Variants in LAMA3 observed in about 807,000 individuals in gnomAD.
LAMA3 encodes the protein laminin subunit alpha 3.
LAMA3 carries 281 observed loss-of-function variants against 402.0 expected under a neutral mutation model. That is an observed-to-expected ratio of 0.70 (90% confidence interval 0.63 to 0.77). The LOEUF (loss-of-function observed/expected upper bound fraction) is 0.77. Among genes scored for constraint, LAMA3 ranks in the 30% least tolerant of loss-of-function variants. The probability of loss-of-function intolerance (pLI) is 0.00; values close to 1 mark genes in which losing one functional copy is unlikely to be tolerated. For missense variants in LAMA3, 3,840 were observed against 4,215.5 expected, an observed-to-expected ratio of 0.91 and a Z score of 2.47; for synonymous variants, 1,431 against 1,558.4, an observed-to-expected ratio of 0.92 and a Z score of 1.93.
At chr18:23,863,061 G>A (rs1263885373) in intron 35 of LAMA3, among the ~76,000 whole-genome samples, 2 of 152,154 alleles carry the variant, frequency 1.3e-5, no homozygotes, top group Non-Finnish European at 2.9e-5. Flanking sequence ...GACAGAAGCT[G>A]CAGTGTTTTT....
chr18:23,949,866 G>C lies in LAMA3; in HGVS notation c.9453G>C (p.Leu3151Phe), dbSNP rs770142647. 6.2e-7 allele frequency: 1 copy of C among 1,613,952 alleles called. No individual in the cohort carries two copies. Among genetic ancestry groups the C allele is most frequent in the Non-Finnish European group, 8.5e-7 (1 of 1,180,010 alleles). Residue 3151 changes from leucine to phenylalanine, a missense_variant, in exon 71 of 75, where the codon TTG (leucine) becomes TTC (phenylalanine). Physicochemically the swap from Leu to Phe is conservative, Grantham distance 22. Around this residue, in one of 3 missense-constraint regions of LAMA3, gnomAD observed 840 missense variants for 981.9 expected, o/e 0.86. Coordinates refer to ENST00000313654, the MANE Select transcript of LAMA3 (RefSeq NM_198129.4). Reference sequence around the variant, plus strand: ...CAAGCTTCGGGGTGTCTTCCTGCTTGGGTGGTCCTTTGGAGAAAGGCATTT... The same window carrying C: ...CAAGCTTCGGGGTGTCTTCCTGCTTCGGTGGTCCTTTGGAGAAAGGCATTT... ...PSSSFGVSSC[L>F]GGPLEKGIYF...
intron 2 of LAMA3, among the ~76,000 whole-genome samples, chr18:23,714,544 G>A (rs1049200159): frequency 2.0e-5 from 3 of 152,036 alleles, no homozygotes; most frequent in African/African-American, 4.8e-5. Flanking sequence ...AACAAAGCCC[G>A]GAACAGTGCC....
At chr18:23,735,408 G>A (rs1267171254) in intron 2 of LAMA3, among the ~76,000 whole-genome samples, 2 of 152,226 alleles carry the variant, frequency 1.3e-5, no homozygotes, top group African/African-American at 4.8e-5. Context: ...AGAGCTATGC[G>A]TGTAGGCTTC....
intron 38 of LAMA3, chr18:23,873,074 C>A: frequency 6.2e-7 from 1 of 1,614,182 alleles, no homozygotes; most frequent in Non-Finnish European, 8.5e-7. Flanking sequence ...GGTCAGCCTG[C>A]AGCATGGGAT....
At chr18:23,860,057 A>G (rs1425121933) in intron 34 of LAMA3, among the ~76,000 whole-genome samples, 1 of 152,172 alleles carries the variant, frequency 6.6e-6, no homozygotes, top group Non-Finnish European at 1.5e-5. Context: ...AGATGCTCCT[A>G]TCACCCCTAT....
chr18:23,784,268 G>T, intron 12 of LAMA3, 111 bp downstream of exon 12: 1 of 1,306,720 alleles, frequency 7.7e-7, no homozygotes. Flanking sequence ...TTAATAAATG[G>T]GCCCCTGGCT....
intron 24 of LAMA3, chr18:23,834,320 G>T (rs926288341): frequency 1.4e-5 from 5 of 354,874 alleles, no homozygotes; most frequent in Non-Finnish European, 2.2e-5. Flanking sequence ...CACCTCAAAG[G>T]CTGTGTCAAG....
intron 25 of LAMA3, among the ~76,000 whole-genome samples, chr18:23,838,368 C>T (rs910664527): frequency 3.9e-5 from 6 of 152,148 alleles, no homozygotes. Context: ...CTAGCAGTGG[C>T]AGCCCTCACT....
At chr18:23,698,697 C>T (rs762393330) in intron 1 of LAMA3, among the ~76,000 whole-genome samples, 14 of 152,338 alleles carry the variant, frequency 9.2e-5, no homozygotes, top group Non-Finnish European at 1.5e-4. Flanking sequence ...TGCCTGGAGA[C>T]AAGCGTGCCC....
At chr18:23,945,283 C>T (rs958808279) in intron 69 of LAMA3, among the ~76,000 whole-genome samples, 2 of 152,144 alleles carry the variant, frequency 1.3e-5, no homozygotes, top group East Asian at 1.9e-4. Flanking sequence ...GTGGGGAGGT[C>T]GGGAGAAGTG....
intron 39 of LAMA3, among the ~76,000 whole-genome samples, chr18:23,880,610 G>T (rs1283509373): frequency 6.6e-6 from 1 of 152,214 alleles, no homozygotes; most frequent in African/African-American, 2.4e-5. Context: ...TGGGCGCGAT[G>T]GCTCATGCCT....
At chr18:23,712,808 C>T (rs1270014143) in intron 1 of LAMA3, among the ~76,000 whole-genome samples, 2 of 151,398 alleles carry the variant, frequency 1.3e-5, no homozygotes, top group Admixed American at 6.6e-5. Flanking sequence ...CTCTTTGTCA[C>T]AGCACATTCC....
intron 6 of LAMA3, among the ~76,000 whole-genome samples, chr18:23,754,338 C>A (rs2061804777): frequency 6.6e-6 from 1 of 152,210 alleles, no homozygotes. Context: ...TTGTTTCCTC[C>A]TACCACTGGC....
rs369287434 is a variant in LAMA3 at position 23,818,348 on chromosome 18, C to G, written c.2148-1493C>G. ...ACCCAGCCTGAGGCAAGAATATTAA[C>G]TTTTTACATGATACATGCACACATA... On this transcript the variant is annotated intron_variant, in intron 18 of 74. Coordinates refer to ENST00000313654, the MANE Select transcript of LAMA3 (RefSeq NM_198129.4). Among the ~76,000 whole-genome samples, 55 of 152,304 alleles carry G rather than the reference C, an allele frequency of 3.6e-4. 2 individuals are homozygous for G. The South Asian group carries it at 9.7e-3, about 27-fold the overall frequency.
intron 32 of LAMA3, among the ~76,000 whole-genome samples, chr18:23,856,534 C>T (rs1210562100): frequency 6.6e-6 from 1 of 152,180 alleles, no homozygotes; most frequent in Non-Finnish European, 1.5e-5. Flanking sequence ...TCTCCAACCT[C>T]GAGTTCTGGG....
intron 32 of LAMA3, among the ~76,000 whole-genome samples, chr18:23,849,429 G>A (rs1460363329): frequency 6.6e-6 from 1 of 152,218 alleles, no homozygotes; most frequent in Non-Finnish European, 1.5e-5. Context: ...CCAAGGGGGA[G>A]ATGGAGAATC....
At chr18:23,753,323 G>A (rs2061785665) in intron 5 of LAMA3, among the ~76,000 whole-genome samples, 1 of 151,582 alleles carries the variant, frequency 6.6e-6, no homozygotes, top group Non-Finnish European at 1.5e-5. Flanking sequence ...AACATTTTTT[G>A]GTATAAAAAT....
At chr18:23,690,213 C>T (rs1362817405) in intron 1 of LAMA3, among the ~76,000 whole-genome samples, 1 of 152,218 alleles carries the variant, frequency 6.6e-6, no homozygotes, top group Admixed American at 6.5e-5. Flanking sequence ...TGACATGAGG[C>T]TGTGGTCAGG....
chr18:23,741,134 T>A lies in LAMA3; in HGVS notation c.448-6809T>A, dbSNP rs185297020. ...ACGCCTGGCTAATTTTTTTTTGTAT[T>A]TTTTTTAGTAGAGACGGGGTTTCAC... On this transcript the variant is annotated intron_variant, in intron 2 of 74. Transcript: ENST00000313654. 1.3e-3 allele frequency among the ~76,000 whole-genome samples: 202 copies of A among 151,836 alleles called. 1 individual carries two copies. Among genetic ancestry groups the A allele is most frequent in the African/African-American group, 4.8e-3 (197 of 41,404 alleles).
Sources: allele counts gnomAD v4.1 joint callset (sites outside exome capture counted in the v4.1 genomes callset), GRCh38; gene constraint gnomAD v4.1.1; regional missense constraint gnomAD v4.1.1; transcripts MANE v1.5; gene names NCBI Gene and HGNC (gene_info 2026-07-23, HGNC 2026-07-21).